COA1: variants seen among roughly 807,000 people sequenced by gnomAD.
COA1 encodes cytochrome c oxidase assembly factor 1 homolog.
A neutral mutation model predicts 16.0 loss-of-function variants in COA1; 13 were observed. That is an observed-to-expected ratio of 0.81 (90% CI 0.53 to 1.29). COA1 has a LOEUF of 1.29. Among genes scored for constraint, COA1 ranks in the 50% most tolerant of loss-of-function variants. The pLI is 0.00. For missense variants in COA1, 179 were observed against 177.0 expected, an observed-to-expected ratio of 1.01 and a Z score of -0.06; for synonymous variants, 65 against 65.7, an observed-to-expected ratio of 0.99 and a Z score of 0.05.
intron 1 of COA1, among the ~76,000 whole-genome samples, chr7:43,684,707 C>G (rs1490939350): frequency 6.6e-6 from 1 of 152,166 alleles, no homozygotes; most frequent in Admixed American, 6.5e-5. Flanking sequence ...AGCAAAGATT[C>G]ACAGTGCATG....
At chr7:43,711,111 G>A (rs935675542) in intron 1 of COA1, among the ~76,000 whole-genome samples, 1 of 151,668 alleles carries the variant, frequency 6.6e-6, no homozygotes, top group African/African-American at 2.4e-5. Context: ...TCAGTGCAGT[G>A]ACAGCAGAAA....
At chr7:43,631,956 TAA>T (rs1214768838) in intron 6 of COA1, 2 of 152,176 alleles carry the variant, frequency 1.3e-5, no homozygotes, top group African/African-American at 4.8e-5. Flanking sequence ...TAGGAAAAGA[TAA>T]GTTGCTGAAG....
intron 6 of COA1, chr7:43,625,809 TGA>T (rs2084463945): frequency 6.6e-6 from 1 of 151,802 alleles, no homozygotes; most frequent in African/African-American, 2.4e-5. Context: ...CTGTTTCTGC[TGA>T]GTTTCTTATC....
At chr7:43,688,351 TA>T (rs11334124) in intron 1 of COA1, among the ~76,000 whole-genome samples, 15,302 of 152,148 alleles carry the variant, frequency 0.1, 982 homozygotes, top group Admixed American at 0.19. Flanking sequence ...ATTTTTATGA[TA>T]AAAAAACTTT....
chr7:43,660,133 A>G lies in COA1; in HGVS notation c.-38-11481T>C, dbSNP rs542061740. On this transcript the variant is annotated intron_variant, in intron 1 of 5. Coordinates refer to ENST00000223336, the MANE Select transcript of COA1 (RefSeq NM_018224.4). Reference sequence around the variant, plus strand: ...CCACCCAGTCTGTGCTATTTTGTTAATGACGGACCTAGCAAATTGATACAC... The same window carrying G: ...CCACCCAGTCTGTGCTATTTTGTTAGTGACGGACCTAGCAAATTGATACAC... 2.6e-5 allele frequency among the ~76,000 whole-genome samples: 4 copies of G among 152,320 alleles called. No individual in the cohort carries two copies. In the East Asian group the frequency reaches 7.7e-4, roughly 29 times the overall value.
chr7:43,725,814 G>A (rs1010181733), intron 1 of COA1, among the ~76,000 whole-genome samples: 4 of 151,364 alleles, frequency 2.6e-5, no homozygotes, highest in African/African-American at 4.9e-5. Context: ...AGCCGAGATC[G>A]CACCATTGCA....
chr7:43,661,129 A>G (rs2092378851), intron 1 of COA1, among the ~76,000 whole-genome samples: 1 of 152,182 alleles, frequency 6.6e-6, no homozygotes, highest in Admixed American at 6.5e-5. Flanking sequence ...ATTTTCTTTC[A>G]CCTATACTTT....
intron 1 of COA1, 139 bp from the exon 2 acceptor site, chr7:43,648,791 T>C: frequency 1.6e-6 from 1 of 639,158 alleles, no homozygotes; most frequent in Non-Finnish European, 2.6e-6. Flanking sequence ...AAACAAGCCT[T>C]GTCTGTGAAA....
intron 1 of COA1, among the ~76,000 whole-genome samples, chr7:43,674,650 A>G (rs1261501351): frequency 2.0e-5 from 3 of 152,228 alleles, no homozygotes; most frequent in African/African-American, 7.2e-5. Flanking sequence ...AGTCTGATGT[A>G]ATCCTAAAGT....
intron 1 of COA1, among the ~76,000 whole-genome samples, chr7:43,704,720 G>A (rs1341236199): frequency 1.3e-5 from 2 of 152,186 alleles, no homozygotes; most frequent in Non-Finnish European, 2.9e-5. Flanking sequence ...CACTCTTACT[G>A]TGTTCCCTGG....
intron 4 of COA1, among the ~76,000 whole-genome samples, chr7:43,644,758 ATAGG>A (rs2088495159): frequency 9.2e-6 from 1 of 109,258 alleles, no homozygotes; most frequent in Admixed American, 9.9e-5. Context: ...AGATAGATAG[ATAGG>A]CAGGCAGGCA....
chr7:43,721,817 C>T (rs1042538938), intron 1 of COA1, among the ~76,000 whole-genome samples: 1 of 151,974 alleles, frequency 6.6e-6, no homozygotes, highest in Non-Finnish European at 1.5e-5. Flanking sequence ...TACAAATACT[C>T]AGTACCATGG....
At chr7:43,695,654 G>T (rs777583487) in intron 1 of COA1, among the ~76,000 whole-genome samples, 2 of 152,010 alleles carry the variant, frequency 1.3e-5, no homozygotes, top group Admixed American at 6.6e-5. Context: ...ACAAATTAGA[G>T]AAATATGAAA....
At chr7:43,613,875 AAATT>A (rs1007196544) in intron 6 of COA1, among the ~76,000 whole-genome samples, 4 of 152,172 alleles carry the variant, frequency 2.6e-5, no homozygotes, top group African/African-American at 9.7e-5. Flanking sequence ...TAATTTCTAA[AAATT>A]AATTTCAAAA....
chr7:43,691,335 G>GAAAGAGAA (rs1563382782), intron 1 of COA1, among the ~76,000 whole-genome samples: 8 of 34,464 alleles, frequency 2.3e-4, no homozygotes, highest in Non-Finnish European at 3.2e-4. Flanking sequence ...GAAAGAGAAA[G>GAAAGAGAA]AGAGAGAGGG....
chr7:43,668,006 CAAT>C (rs536897677), intron 1 of COA1, among the ~76,000 whole-genome samples: 257 of 152,246 alleles, frequency 1.7e-3, no homozygotes, highest in Non-Finnish European at 3.1e-3. Context: ...TCCATCAGTG[CAAT>C]AAGAATCCAT....
At chr7:43,686,325 G>C (rs947539505) in intron 1 of COA1, among the ~76,000 whole-genome samples, 2 of 37,304 alleles carry the variant, frequency 5.4e-5, no homozygotes, top group African/African-American at 1.1e-4. Context: ...TTTTTTTTTT[G>C]AGACGGAGTC....
chr7:43,715,882 G>A (rs763616962), intron 1 of COA1, among the ~76,000 whole-genome samples: 4 of 152,110 alleles, frequency 2.6e-5, no homozygotes, highest in Non-Finnish European at 5.9e-5. Flanking sequence ...CGAATCATGG[G>A]GGCAGTTTTC....
At chr7:43,707,704 T>C (rs1350092622) in intron 1 of COA1, among the ~76,000 whole-genome samples, 1 of 152,236 alleles carries the variant, frequency 6.6e-6, no homozygotes. Context: ...ATTGAGTTTG[T>C]TCATTTTCAT....
Sources: gnomAD v4.1 joint callset for allele counts (sites outside exome capture counted in the v4.1 genomes callset) on GRCh38, gnomAD v4.1.1 for gene constraint, MANE v1.5 for transcripts, NCBI Gene and HGNC (gene_info 2026-07-23, HGNC 2026-07-21) for gene names.